RGS12: variants seen among roughly 807,000 people sequenced by gnomAD.
The protein encoded by RGS12 is regulator of G-protein signaling 12.
RGS12 carries 66 observed loss-of-function variants against 120.1 expected under a neutral mutation model. The observed-to-expected ratio is 0.55, with a 90% CI of 0.45 to 0.67. RGS12 has a LOEUF of 0.67. Among genes scored for constraint, RGS12 ranks in the 30% least tolerant of loss-of-function variants. RGS12 has a pLI of 0.00. For synonymous variants in RGS12, 827 were observed against 804.7 expected (o/e 1.03, Z -0.47); for missense variants, 1,859 against 1,957.7 (o/e 0.95, Z 0.95).
In RGS12 at chr4:3,430,654, G is replaced by A. The variant is rs367772228; in HGVS notation, c.3813G>A (p.Pro1271=). 51 of 1,596,100 alleles carry A rather than the reference G, an allele frequency of 3.2e-5. 1 individual carries two copies. The highest frequency in any genetic ancestry group is 1.1e-4 in the South Asian group (10 of 89,420). Reference sequence around the variant, plus strand: ...CAGTCCAGGAGAGCAGCGACAGCCCGTCCACCAGCCCGGGCTCAGCCTCCA... The same window carrying A: ...CAGTCCAGGAGAGCAGCGACAGCCCATCCACCAGCCCGGGCTCAGCCTCCA... ...WEPVQESSDS[P]STSPGSASSP... Residue 1271 remains proline, a synonymous_variant, in exon 17 of 18, where the codon CCG becomes CCA. Transcript: ENST00000336727.
At chr4:3,380,582 C>G (rs143583733) in intron 3 of RGS12, among the ~76,000 whole-genome samples, 5,060 of 152,348 alleles carry the variant, frequency 0.033, 147 homozygotes, top group Non-Finnish European at 0.048. Flanking sequence ...CCTCTGAAAT[C>G]TAGGCAGAGG....
chr4:3,333,750 T>C (rs1247410010), intron 2 of RGS12, among the ~76,000 whole-genome samples: 1 of 152,222 alleles, frequency 6.6e-6, no homozygotes, highest in Non-Finnish European at 1.5e-5. Flanking sequence ...TCTTTCTGTC[T>C]TCTAGGGCAG....
chr4:3,363,219 C>T (rs1047038542), intron 3 of RGS12, among the ~76,000 whole-genome samples: 2 of 152,044 alleles, frequency 1.3e-5, no homozygotes, highest in Non-Finnish European at 2.9e-5. Context: ...GCAGTTCTGT[C>T]CCTCTTCTTA....
At chr4:3,350,277 A>G (rs1034310719) in intron 3 of RGS12, among the ~76,000 whole-genome samples, 2 of 152,254 alleles carry the variant, frequency 1.3e-5, no homozygotes, top group African/African-American at 4.8e-5. Context: ...GTAGAGATAA[A>G]TATAATCCTC....
chr4:3,430,891 C>T lies in RGS12; in HGVS notation c.4050C>T (p.Ser1350=). 6.2e-7 allele frequency: 1 copy of T among 1,612,690 alleles called. No individual in the cohort carries two copies. Among genetic ancestry groups the T allele is most frequent in the Non-Finnish European group, 8.5e-7 (1 of 1,179,908 alleles). ...LTLMGEGDIS[S]PNSTLLPPPS... ...TGATGGGGGAGGGGGACATCAGCAG[C>T]CCCAACAGCACCTTGCTGCCGCCGC... The change falls in exon 17 of 18, where the codon AGC becomes AGT. Residue 1350 remains serine (S), a synonymous_variant. Transcript: ENST00000336727.
chr4:3,335,535 CG>C (rs1712351985), intron 2 of RGS12, among the ~76,000 whole-genome samples: 1 of 152,166 alleles, frequency 6.6e-6, no homozygotes, highest in South Asian at 2.1e-4. Flanking sequence ...GGGCGCTCCC[CG>C]GAGCTGGCAA....
chr4:3,343,179 A>AC, intron 3 of RGS12, 126 bp downstream of exon 3: 2 of 648,048 alleles, frequency 3.1e-6, no homozygotes, highest in Non-Finnish European at 2.7e-6. Flanking sequence ...TGTAGTGGTA[A>AC]CCCCTGTTTT....
chr4:3,417,419 T>C lies in RGS12; in HGVS notation c.2639T>C (p.Leu880Pro), dbSNP rs777859530. Residue 880 changes from leucine to proline, a missense_variant, in exon 9 of 18, where the codon CTG (leucine) becomes CCG (proline). Leu to Pro is a moderately conservative substitution (Grantham distance 98). Around this residue, in one of 3 missense-constraint regions of RGS12, gnomAD observed 375 missense variants for 475.0 expected, o/e 0.79. Coordinates refer to ENST00000336727, the MANE Select transcript of RGS12 (RefSeq NM_001394154.1). ...LSGKSKSGRS[L>P]NEELGDEDSE... ...GGAAAATCAAAATCCGGCCGATCCCTGAATGAAGAGCTGGGGGATGAGGAC... is the reference window on the plus strand; with the variant it reads ...GGAAAATCAAAATCCGGCCGATCCCCGAATGAAGAGCTGGGGGATGAGGAC... The C allele has an allele frequency of 1.1e-5, 18 of 1,580,790 alleles. No homozygotes were observed. Among genetic ancestry groups the C allele is most frequent in the South Asian group, 1.1e-4 (10 of 88,908 alleles).
intron 3 of RGS12, among the ~76,000 whole-genome samples, chr4:3,364,387 G>T (rs1716073673): frequency 1.3e-5 from 2 of 152,166 alleles, no homozygotes; most frequent in African/African-American, 4.8e-5. Context: ...TGGCAGGGTG[G>T]GTGTATCCGC....
chr4:3,414,961 GGCGTGAGAGGGGCGTGTGAGAGGTT>G, intron 6 of RGS12, 117 bp downstream of exon 6: 1 of 723,940 alleles, frequency 1.4e-6, no homozygotes, highest in South Asian at 1.6e-5. Context: ...GTGTGTGAGG[GGCGTGAGAGGGGCGTGTGAGAGGTT>G]GCGTGTGAGG....
intron 4 of RGS12, among the ~76,000 whole-genome samples, chr4:3,404,140 A>C (rs1720876394): frequency 6.6e-6 from 1 of 152,122 alleles, no homozygotes; most frequent in South Asian, 2.1e-4. Context: ...TCCAGCATTT[A>C]GATATATGGT....
chr4:3,315,531 A>G (rs1169994080), intron 1 of RGS12, among the ~76,000 whole-genome samples: 1 of 152,188 alleles, frequency 6.6e-6, no homozygotes, highest in East Asian at 1.9e-4. Context: ...ATGGAATATT[A>G]GGTGACCCCT....
chr4:3,417,443 A>G lies in RGS12; in HGVS notation c.2663A>G (p.Asp888Gly), dbSNP rs749884884. 3.7e-6 allele frequency: 6 copies of G among 1,611,006 alleles called. No individual in the cohort carries two copies. The Admixed American group carries it at 8.4e-5, about 23-fold the overall frequency. The part of the protein sequence containing the change: ...RSLNEELGDE[D>G]SEKKRKGAFF... The stretch of plus-strand genomic sequence containing the variant: ...CTGAATGAAGAGCTGGGGGATGAGG[A>G]CAGCGAGAAGAAGCGGAAAGGCGCG... The change falls in exon 9 of 18, where the codon GAC becomes GGC. Residue 888 changes from aspartate (D) to glycine (G), a missense_variant. Coordinates refer to ENST00000336727, the MANE Select transcript of RGS12 (RefSeq NM_001394154.1).
At position 3,365,634 on chromosome 4, in the gene RGS12, G is replaced by A. The variant is rs183433603; in HGVS notation, c.1999-20782G>A. ...CTGGCCTCCCACTCACCTCTGGGAC[G>A]ACGTGCCGCACGTCACATTGTGTAG... On this transcript the variant is annotated intron_variant, in intron 3 of 17. Coordinates refer to ENST00000336727, the MANE Select transcript of RGS12 (RefSeq NM_001394154.1). This position sits in a 1 kb window ranked among gnomAD's most constrained non-coding sequence, Gnocchi z 4.0. Among the ~76,000 whole-genome samples, 4 of 152,170 alleles carry A rather than the reference G, an allele frequency of 2.6e-5. No individual in the cohort carries two copies. Among genetic ancestry groups the A allele is most frequent in the Non-Finnish European group, 4.4e-5 (3 of 68,032 alleles).
chr4:3,297,364 C>T (rs1309305930), intron 1 of RGS12, among the ~76,000 whole-genome samples: 1 of 152,328 alleles, frequency 6.6e-6, no homozygotes, highest in East Asian at 1.9e-4. Flanking sequence ...AGGCGGGATC[C>T]TAAGTGGTCT....
chr4:3,336,301 C>T (rs977531386), intron 2 of RGS12, among the ~76,000 whole-genome samples: 11 of 152,362 alleles, frequency 7.2e-5, no homozygotes, highest in Non-Finnish European at 1.3e-4. Flanking sequence ...CAGAGTCCCT[C>T]TGCCTTTCCA....
chr4:3,414,623 G>A (rs1050381323), intron 5 of RGS12, 129 bp from the exon 6 acceptor site: 1 of 708,952 alleles, frequency 1.4e-6, no homozygotes, highest in Admixed American at 2.3e-5. Context: ...GCAGCGATGA[G>A]GTTTCTCTCT....
rs751951063 is a variant in RGS12, at chr4:3,374,717, C to G, written c.1999-11699C>G. The stretch of plus-strand genomic sequence containing the variant: ...CCCTGAGTTTACACTTTCTCACCCC[C>G]ATTGCTGCAGCCTGCCCTCGTCCCC... On this transcript the variant is annotated intron_variant, in intron 3 of 17. Coordinates refer to ENST00000336727, the MANE Select transcript of RGS12 (RefSeq NM_001394154.1). This position sits in a 1 kb window ranked among gnomAD's most constrained non-coding sequence, Gnocchi z 6.3. 3.3e-5 allele frequency among the ~76,000 whole-genome samples: 5 copies of G among 152,010 alleles called. No individual in the cohort carries two copies. Among genetic ancestry groups the G allele is most frequent in the African/African-American group, 7.3e-5 (3 of 41,354 alleles).
intron 4 of RGS12, among the ~76,000 whole-genome samples, chr4:3,388,150 G>A (rs920990541): frequency 3.9e-5 from 6 of 152,080 alleles, no homozygotes; most frequent in Non-Finnish European, 8.8e-5. Flanking sequence ...TCAGACCCTG[G>A]GGCCACTGGG....
Sources: allele counts gnomAD v4.1 joint callset (sites outside exome capture counted in the v4.1 genomes callset), GRCh38; gene constraint gnomAD v4.1.1; regional missense constraint gnomAD v4.1.1; non-coding constraint Gnocchi (gnomAD v3.1); transcripts MANE v1.5; gene names NCBI Gene and HGNC (gene_info 2026-07-23, HGNC 2026-07-21).